Variants in CLIC4 observed in about 807,000 individuals in gnomAD.
The protein encoded by CLIC4 is CLIC family member 4.
Under a neutral mutation model 24.6 loss-of-function variants are expected in CLIC4, and 13 were observed. The observed-to-expected ratio is 0.53, with a 90% CI of 0.34 to 0.84. The LOEUF (loss-of-function observed/expected upper bound fraction) is 0.84. CLIC4 is among the 40% of genes least tolerant of loss of function. CLIC4 has a pLI of 0.01. For missense variants in CLIC4, 227 were observed against 301.7 expected, an observed-to-expected ratio of 0.75 and a Z score of 1.83; for synonymous variants, 104 against 111.3, an observed-to-expected ratio of 0.93 and a Z score of 0.41.
chr1:24,829,624 G>C (rs928854636), intron 4 of CLIC4, among the ~76,000 whole-genome samples: 6 of 152,082 alleles, frequency 3.9e-5, no homozygotes, highest in Non-Finnish European at 8.8e-5. Flanking sequence ...ATAATACTCA[G>C]TCATTGATAT....
chr1:24,799,125 G>GC (rs1326304943), intron 2 of CLIC4, among the ~76,000 whole-genome samples: 1 of 151,228 alleles, frequency 6.6e-6, no homozygotes, highest in Non-Finnish European at 1.5e-5. Context: ...GATGTGAGGA[G>GC]CCCCTCTGCC....
intron 1 of CLIC4, among the ~76,000 whole-genome samples, chr1:24,770,406 G>A (rs961458500): frequency 4.0e-5 from 6 of 151,712 alleles, no homozygotes; most frequent in African/African-American, 7.3e-5. Context: ...AAATATAGAC[G>A]TGTAATCCAG....
intron 1 of CLIC4, among the ~76,000 whole-genome samples, chr1:24,788,555 G>A (rs1639299065): frequency 2.0e-5 from 3 of 152,180 alleles, no homozygotes; most frequent in East Asian, 1.9e-4. Flanking sequence ...CTGTGGATAC[G>A]GAAGGCCAGC....
chr1:24,796,723 A>T (rs1230775789), intron 1 of CLIC4, among the ~76,000 whole-genome samples: 1 of 151,962 alleles, frequency 6.6e-6, no homozygotes, highest in Non-Finnish European at 1.5e-5. Context: ...CTAACAGCAC[A>T]TTTTTTTCAG....
At chr1:24,831,559 C>G (rs753731502) in intron 4 of CLIC4, among the ~76,000 whole-genome samples, 4 of 152,164 alleles carry the variant, frequency 2.6e-5, no homozygotes, top group African/African-American at 9.7e-5. Context: ...CAGACTGATT[C>G]CATTCATTGT....
chr1:24,805,570 AT>A (rs200531438), intron 2 of CLIC4, among the ~76,000 whole-genome samples: 2 of 151,520 alleles, frequency 1.3e-5, no homozygotes, highest in African/African-American at 2.4e-5. Flanking sequence ...AAGGAACTCG[AT>A]TTTTTTTTGT....
rs1351634450 is a variant in CLIC4, at chr1:24,814,142, T to A, written c.231T>A (p.Phe77Leu). The A allele has an allele frequency of 6.2e-7, 1 of 1,614,134 alleles. No homozygotes were observed. Among genetic ancestry groups the A allele is most frequent in the South Asian group, 1.1e-5 (1 of 91,086 alleles). The change falls in exon 3 of 6, where the codon TTT becomes TTA. Residue 77 changes from phenylalanine to leucine, a missense_variant. Phe to Leu is a conservative substitution (Grantham distance 22). Coordinates refer to ENST00000374379, the MANE Select transcript of CLIC4 (RefSeq NM_013943.3). ...QNLAPGTHPP[F>L]ITFNSEVKTD... ...TGGCTCCCGGGACCCACCCACCATTTATAACTTTCAACAGTGAAGTCAAAA... is the reference window on the plus strand; with the variant it reads ...TGGCTCCCGGGACCCACCCACCATTAATAACTTTCAACAGTGAAGTCAAAA...
At chr1:24,759,591 A>G (rs1457244426) in intron 1 of CLIC4, among the ~76,000 whole-genome samples, 1 of 152,146 alleles carries the variant, frequency 6.6e-6, no homozygotes, top group Non-Finnish European at 1.5e-5. Context: ...TTTGTGTTGT[A>G]TTCTAACAGT....
At chr1:24,839,088 G>A (rs1477355335) in intron 4 of CLIC4, among the ~76,000 whole-genome samples, 1 of 152,096 alleles carries the variant, frequency 6.6e-6, no homozygotes, top group Non-Finnish European at 1.5e-5. Flanking sequence ...TTTCTGTTTG[G>A]ATTGTTTGAA....
At chr1:24,769,119 ACT>A (rs1240444658) in intron 1 of CLIC4, among the ~76,000 whole-genome samples, 3 of 152,052 alleles carry the variant, frequency 2.0e-5, no homozygotes, top group East Asian at 3.9e-4. Context: ...GCAGAGTGAG[ACT>A]CTGTCTCAAA....
chr1:24,766,494 T>G (rs1396618423), intron 1 of CLIC4, among the ~76,000 whole-genome samples: 4 of 71,130 alleles, frequency 5.6e-5, no homozygotes, highest in African/African-American at 2.3e-4. Context: ...TTTTTTTTTT[T>G]TTTTTTTTTT....
At chr1:24,774,334 G>C (rs1437392714) in intron 1 of CLIC4, among the ~76,000 whole-genome samples, 3 of 152,156 alleles carry the variant, frequency 2.0e-5, no homozygotes, top group African/African-American at 7.2e-5. Flanking sequence ...ACAAATTAGT[G>C]TTCTGTGTTT....
At chr1:24,783,169 G>A (rs754143634) in intron 1 of CLIC4, among the ~76,000 whole-genome samples, 3 of 152,086 alleles carry the variant, frequency 2.0e-5, no homozygotes. Flanking sequence ...TATATCTTGT[G>A]TATGTAATGT....
Position 24,843,574 on chromosome 1 carries a change from G to A in CLIC4, c.*2637G>A, listed in dbSNP as rs1639964814. On this transcript the variant is annotated 3_prime_UTR_variant, in exon 6 of 6. Transcript: ENST00000374379. ...CTAGTTGATAAAACTTCCCTTTTTT[G>A]ATGTAGATGCAGATATTCTATACAG... 1.3e-5 allele frequency: 2 copies of A among 152,036 alleles called. No individual in the cohort carries two copies. The highest frequency in any genetic ancestry group is 4.1e-4 in the South Asian group (2 of 4,822). 9.4% of individuals were successfully genotyped at this position (152,036 alleles called of 1,614,324 possible).
At chr1:24,760,796 T>C (rs1251999628) in intron 1 of CLIC4, among the ~76,000 whole-genome samples, 1 of 152,146 alleles carries the variant, frequency 6.6e-6, no homozygotes, top group East Asian at 1.9e-4. Flanking sequence ...GATTAAATGC[T>C]GTGAAGAAAA....
Position 24,750,493 on chromosome 1 carries a change from G to A in CLIC4, c.72+4868G>A, listed in dbSNP as rs548887093. ...CTCTTGTTACCCCTCAGCCTCCCGA[G>A]TGGCTGGGACTACAGGTGTGCACCA... On this transcript the variant is annotated intron_variant, in intron 1 of 5. Transcript: ENST00000374379. Among the ~76,000 whole-genome samples the A allele has an allele frequency of 2.0e-5, 3 of 146,872 alleles. No individual in the cohort carries two copies. The East Asian group carries it at 6.0e-4, about 29-fold the overall frequency.
intron 2 of CLIC4, among the ~76,000 whole-genome samples, chr1:24,800,311 T>C (rs1639470006): frequency 2.5e-5 from 2 of 79,262 alleles, no homozygotes; most frequent in African/African-American, 5.7e-5. Context: ...GGAGCCCCTC[T>C]GCCCGGCCAG....
At chr1:24,755,170 G>A (rs1638830139) in intron 1 of CLIC4, among the ~76,000 whole-genome samples, 1 of 151,472 alleles carries the variant, frequency 6.6e-6, no homozygotes, top group African/African-American at 2.4e-5. Flanking sequence ...GTTTCACCAT[G>A]TTGGTCAGGC....
At chr1:24,767,024 T>TAAAAAAAAAAA (rs34142565) in intron 1 of CLIC4, among the ~76,000 whole-genome samples, 62 of 70,898 alleles carry the variant, frequency 8.7e-4, no homozygotes, top group African/African-American at 1.7e-3. Context: ...GCTGATGAGC[T>TAAAAAAAAAAA]AAAAAAAAAA....
Sources: allele counts gnomAD v4.1 joint callset (sites outside exome capture counted in the v4.1 genomes callset), GRCh38; gene constraint gnomAD v4.1.1; transcripts MANE v1.5; gene names NCBI Gene and HGNC (gene_info 2026-07-23, HGNC 2026-07-21).